Variants in TTC3 observed in about 807,000 individuals in gnomAD.
TTC3 encodes tetratricopeptide repeat domain 3.
TTC3 carries 180 observed loss-of-function variants against 249.6 expected under a neutral mutation model. That is an observed-to-expected ratio of 0.72 (90% CI 0.64 to 0.82). TTC3 has a LOEUF of 0.82. Ranked by LOEUF, TTC3 falls within the 40% of genes least tolerant of loss-of-function variation. TTC3 has a pLI of 0.00. For missense variants in TTC3, 2,061 were observed against 2,398.4 expected (o/e 0.86, Z 2.94); for synonymous variants, 717 against 805.0 (o/e 0.89, Z 1.85).
At chr21:37,157,317 A>C (rs991624608) in intron 28 of TTC3, 1 of 655,450 alleles carries the variant, frequency 1.5e-6, no homozygotes, top group African/African-American at 1.9e-5. Flanking sequence ...TTTTAATGGG[A>C]AGAGCCTAGA....
At chr21:37,097,814 GA>G (rs1009070114) in intron 10 of TTC3, 3 of 552,932 alleles carry the variant, frequency 5.4e-6, no homozygotes, top group Non-Finnish European at 9.9e-6. Flanking sequence ...GTTTTTCAGT[GA>G]AAGCGCTTGT....
At chr21:37,117,516 T>C (rs1179852125) in intron 11 of TTC3, among the ~76,000 whole-genome samples, 1 of 152,196 alleles carries the variant, frequency 6.6e-6, no homozygotes, top group African/African-American at 2.4e-5. Flanking sequence ...TTCCAAATAC[T>C]GAAACCCAAA....
At chr21:37,120,441 G>A (rs1439210447) in intron 11 of TTC3, among the ~76,000 whole-genome samples, 2 of 152,200 alleles carry the variant, frequency 1.3e-5, no homozygotes, top group Non-Finnish European at 2.9e-5. Flanking sequence ...TGCAAATTTA[G>A]TAGATTTGGT....
At chr21:37,164,252 A>C in intron 32 of TTC3, 37 bp downstream of exon 32, 8 of 1,484,910 alleles carry the variant, frequency 5.4e-6, no homozygotes, top group Non-Finnish European at 6.3e-6. Flanking sequence ...ATTATTTTAT[A>C]CTAAGGCTGC....
chr21:37,134,361 G>T (rs576824249), intron 17 of TTC3, among the ~76,000 whole-genome samples: 1 of 152,030 alleles, frequency 6.6e-6, no homozygotes, highest in East Asian at 1.9e-4. Flanking sequence ...TGAAGCAGGA[G>T]AATCGCTTGA....
At chr21:37,201,305 T>A (rs2085476033) in intron 45 of TTC3, 135 bp from the exon 46 acceptor site, 1 of 1,086,242 alleles carries the variant, frequency 9.2e-7, no homozygotes, top group Admixed American at 1.9e-5. Context: ...TTGGTGTCCC[T>A]GAGTATTGGG....
chr21:37,085,473 A>T (rs1050935840), intron 1 of TTC3, among the ~76,000 whole-genome samples: 3 of 152,234 alleles, frequency 2.0e-5, no homozygotes, highest in African/African-American at 7.2e-5. Context: ...CTGACAGTGA[A>T]TGAGAATGGA....
intron 11 of TTC3, among the ~76,000 whole-genome samples, chr21:37,117,643 T>C (rs1423098759): frequency 6.6e-6 from 1 of 151,930 alleles, no homozygotes; most frequent in Non-Finnish European, 1.5e-5. Flanking sequence ...CCCAGCACTT[T>C]GGGAGGGCAG....
chr21:37,177,031 A>G (rs978191326), intron 35 of TTC3, among the ~76,000 whole-genome samples: 1 of 152,210 alleles, frequency 6.6e-6, no homozygotes, highest in Non-Finnish European at 1.5e-5. Flanking sequence ...AGTCTGGATC[A>G]GCTGGTCCTG....
In TTC3 at chr21:37,080,102, ATTAATT is replaced by A. The variant is rs1172912368; in HGVS notation, c.-12+6741_-12+6746del. ...TTTTCACTTAAATTACACACTTAAT[ATTAATT>A]TTCAACCATTCCGATTTCCTAGTAT... is the stretch of plus-strand genomic sequence containing the variant. On this transcript the variant is annotated intron_variant, in intron 1 of 45. Coordinates refer to ENST00000355666, the Ensembl canonical transcript of TTC3. Among the ~76,000 whole-genome samples the A allele has an allele frequency of 5.9e-5, 9 of 152,216 alleles. No individual in the cohort carries two copies. In the East Asian group the frequency reaches 1.5e-3, roughly 26 times the overall value.
intron 30 of TTC3, among the ~76,000 whole-genome samples, chr21:37,161,687 A>G (rs1405315223): frequency 1.3e-5 from 2 of 152,242 alleles, no homozygotes; most frequent in Non-Finnish European, 2.9e-5. Flanking sequence ...AAGGAGTTCC[A>G]ATACAACTTT....
intron 15 of TTC3, 22 bp from the exon 16 acceptor site, chr21:37,128,981 A>G (rs2077254667): frequency 6.5e-7 from 1 of 1,540,780 alleles, no homozygotes; most frequent in East Asian, 2.4e-5. Flanking sequence ...GATTTTAGGA[A>G]CAAATACTTT....
At chr21:37,123,091 A>T in intron 13 of TTC3, 63 bp downstream of exon 13, 1 of 1,552,412 alleles carries the variant, frequency 6.4e-7, no homozygotes, top group Non-Finnish European at 8.9e-7. Context: ...TGAATTTAAG[A>T]ATCACTTATG....
At chr21:37,145,471 A>G (rs189668349) in intron 21 of TTC3, among the ~76,000 whole-genome samples, 235 of 152,352 alleles carry the variant, frequency 1.5e-3, no homozygotes, top group Middle Eastern at 6.8e-3. Context: ...ATGTGGGCAG[A>G]CAATAAATAT....
At chr21:37,132,639 T>G (rs766580336) in intron 16 of TTC3, 43 bp from the exon 17 acceptor site, 16 of 1,519,278 alleles carry the variant, frequency 1.1e-5, no homozygotes, top group Non-Finnish European at 1.3e-5. Context: ...TGAGTAGAAC[T>G]TTTATTTTAA....
In TTC3 at chr21:37,196,096, T is replaced by C. The variant is rs1441750760; in HGVS notation, c.5579+60T>C. 3.8e-6 allele frequency: 6 copies of C among 1,575,678 alleles called. No individual in the cohort carries two copies. In the African/African-American group the frequency reaches 8.1e-5, roughly 21 times the overall value. On this transcript the variant is annotated intron_variant, in intron 42 of 45. Transcript: ENST00000355666. ...ACTTTATCGAACTGAGGTTTCCTGA[T>C]TAGATAAAATCATGGCTAGTTAGGT...
At chr21:37,094,229 G>A in intron 8 of TTC3, 139 bp downstream of exon 8, 2 of 510,998 alleles carry the variant, frequency 3.9e-6, no homozygotes. Flanking sequence ...CTAATATCTT[G>A]ATCAGAGTTC....
At chr21:37,082,808 T>C (rs2071884928) in intron 1 of TTC3, 1 of 972,582 alleles carries the variant, frequency 1.0e-6, no homozygotes, top group African/African-American at 1.8e-5. Flanking sequence ...TCAGAAGCTC[T>C]TTATTTTAAT....
At chr21:37,123,964 G>A (rs1049307265) in intron 13 of TTC3, among the ~76,000 whole-genome samples, 16 of 151,658 alleles carry the variant, frequency 1.1e-4, no homozygotes, top group African/African-American at 3.6e-4. Context: ...GGCCAGACTG[G>A]TCTCAAACTC....
Sources: gnomAD v4.1 joint callset for allele counts (sites outside exome capture counted in the v4.1 genomes callset) on GRCh38, gnomAD v4.1.1 for gene constraint, MANE v1.5 for transcripts, NCBI Gene and HGNC (gene_info 2026-07-23, HGNC 2026-07-21) for gene names.